Variants in PRMT3 observed in about 807,000 individuals in gnomAD.
PRMT3 encodes the protein protein arginine methyltransferase 3.
Under a neutral mutation model 71.9 loss-of-function variants are expected in PRMT3, and 62 were observed. The observed-to-expected ratio is 0.86, with a 90% CI of 0.70 to 1.07. The LOEUF (loss-of-function observed/expected upper bound fraction) is 1.07, where lower values mean the gene tolerates loss of function less well. Among genes scored for constraint, PRMT3 ranks in the 50% least tolerant of loss-of-function variants. The pLI, the probability that PRMT3 is intolerant of heterozygous loss-of-function variation, is 0.00. For missense variants in PRMT3, 663 were observed against 643.0 expected, an observed-to-expected ratio of 1.03 and a Z score of -0.34; for synonymous variants, 213 against 220.4, an observed-to-expected ratio of 0.97 and a Z score of 0.30.
rs150702431 is a variant in PRMT3 at position 20,397,696 on chromosome 11, A to T, written c.680A>T (p.Tyr227Phe). 6.2e-7 allele frequency: 1 copy of T among 1,613,938 alleles called. No homozygotes were observed. Among genetic ancestry groups the T allele is most frequent in the Admixed American group, 1.7e-5 (1 of 59,958 alleles). Residue 227 changes from tyrosine to phenylalanine, a missense_variant, in exon 7 of 16, where the codon TAT (tyrosine) becomes TTT (phenylalanine). By Grantham distance (22) the Tyr-to-Phe change is conservative. Coordinates refer to ENST00000331079, the MANE Select transcript of PRMT3 (RefSeq NM_005788.4). ...DGVYFSSYGH[Y>F]GIHEEMLKDK... is the part of the protein sequence containing the mutation. Reference sequence around the variant, plus strand: ...GTTTATTTCAGCTCATACGGGCATTATGGGATACATGAAGAAATGCTAAAG... The same window carrying T: ...GTTTATTTCAGCTCATACGGGCATTTTGGGATACATGAAGAAATGCTAAAG...
intron 10 of PRMT3, among the ~76,000 whole-genome samples, chr11:20,444,723 T>C (rs1849985145): frequency 6.6e-6 from 1 of 152,186 alleles, no homozygotes; most frequent in South Asian, 2.1e-4. Flanking sequence ...GTACCTACTC[T>C]GTTATTGTTG....
At chr11:20,460,642 C>T (rs1850362963) in intron 11 of PRMT3, among the ~76,000 whole-genome samples, 1 of 152,004 alleles carries the variant, frequency 6.6e-6, no homozygotes, top group Non-Finnish European at 1.5e-5. Flanking sequence ...GAATTTCAGA[C>T]CTTTGTATTC....
chr11:20,489,579 T>TG (rs1851159460), intron 13 of PRMT3, among the ~76,000 whole-genome samples: 1 of 152,140 alleles, frequency 6.6e-6, no homozygotes, highest in African/African-American at 2.4e-5. Context: ...GTCAAAGTGA[T>TG]GGTAGCAAGG....
At chr11:20,402,201 C>G (rs765458930) in intron 7 of PRMT3, among the ~76,000 whole-genome samples, 4 of 151,990 alleles carry the variant, frequency 2.6e-5, no homozygotes, top group Non-Finnish European at 4.4e-5. Context: ...CTCACCGCAA[C>G]CTCCGCCTCC....
intron 13 of PRMT3, among the ~76,000 whole-genome samples, chr11:20,467,942 A>G (rs1195491863): frequency 6.6e-6 from 1 of 152,150 alleles, no homozygotes; most frequent in African/African-American, 2.4e-5. Context: ...CCTCCCTCCT[A>G]CAGACCTATC....
At chr11:20,437,473 G>T (rs1466052376) in intron 10 of PRMT3, among the ~76,000 whole-genome samples, 1 of 152,164 alleles carries the variant, frequency 6.6e-6, no homozygotes, top group African/African-American at 2.4e-5. Flanking sequence ...TTCCAGATAG[G>T]TGCAGTGGTA....
chr11:20,493,389 G>T (rs1206141830), intron 13 of PRMT3, among the ~76,000 whole-genome samples: 1 of 152,196 alleles, frequency 6.6e-6, no homozygotes, highest in Non-Finnish European at 1.5e-5. Context: ...TTATTGCTAT[G>T]TAATAGCCCA....
chr11:20,472,727 A>G (rs528726486), intron 13 of PRMT3, among the ~76,000 whole-genome samples: 2 of 152,266 alleles, frequency 1.3e-5, no homozygotes, highest in East Asian at 3.9e-4. Context: ...CTGGCCTCAT[A>G]GAACAAGTAG....
intron 5 of PRMT3, among the ~76,000 whole-genome samples, chr11:20,394,566 T>A (rs544321824): frequency 1.3e-5 from 2 of 152,348 alleles, no homozygotes; most frequent in South Asian, 4.1e-4. Flanking sequence ...ACCAAGCTGA[T>A]TAACATCATC....
Position 20,397,565 on chromosome 11 carries a change from A to C in PRMT3, c.561-12A>C. The C allele has an allele frequency of 5.0e-6, 8 of 1,613,754 alleles. No homozygotes were observed. Among genetic ancestry groups the C allele is most frequent in the Non-Finnish European group, 6.8e-6 (8 of 1,179,796 alleles). ...AAACCTGTCTCAAGGGTGTATTTCAAATTGATTACAGACAATTTGCTCAGG... is the reference window on the plus strand; with the variant it reads ...AAACCTGTCTCAAGGGTGTATTTCACATTGATTACAGACAATTTGCTCAGG... On this transcript the variant is annotated splice_polypyrimidine_tract_variant and intron_variant, in intron 6 of 15. Transcript: ENST00000331079.
At chr11:20,410,143 A>G (rs887327742) in intron 9 of PRMT3, among the ~76,000 whole-genome samples, 4 of 152,074 alleles carry the variant, frequency 2.6e-5, no homozygotes, top group African/African-American at 9.7e-5. Flanking sequence ...TTGTAGAAAC[A>G]TGTTTATGTA....
intron 13 of PRMT3, among the ~76,000 whole-genome samples, chr11:20,484,406 GAT>G (rs1851021193): frequency 8.1e-6 from 1 of 124,090 alleles, no homozygotes; most frequent in Non-Finnish European, 1.7e-5. Context: ...GTGTTACAGT[GAT>G]ATGGTTTGGC....
At chr11:20,483,933 C>A (rs1851008923) in intron 13 of PRMT3, among the ~76,000 whole-genome samples, 1 of 152,190 alleles carries the variant, frequency 6.6e-6, no homozygotes, top group African/African-American at 2.4e-5. Context: ...GAAGTTGTTG[C>A]ATCTGATAGC....
At chr11:20,434,552 G>A (rs964893399) in intron 10 of PRMT3, among the ~76,000 whole-genome samples, 1 of 152,010 alleles carries the variant, frequency 6.6e-6, no homozygotes, top group Non-Finnish European at 1.5e-5. Flanking sequence ...TGAAAGGAAG[G>A]GGTCTAATTT....
chr11:20,388,002 TTGTGTG>T lies in PRMT3; in HGVS notation c.29-9_29-4del, dbSNP rs763227380. 1 of 1,612,134 alleles carries T rather than the reference TTGTGTG, an allele frequency of 6.2e-7. No homozygotes were observed. The highest frequency in any genetic ancestry group is 1.7e-5 in the Admixed American group (1 of 59,962). On this transcript the variant is annotated splice_polypyrimidine_tract_variant and intron_variant, in intron 1 of 15. Transcript: ENST00000331079. ...CCGGTGTCCGAGGCCGATCTGATTG[TTGTGTG>T]TGTGTGTTAGGCGGCCGGGGCGCTG...
At chr11:20,404,797 G>A (rs1027913605) in intron 8 of PRMT3, among the ~76,000 whole-genome samples, 1 of 152,120 alleles carries the variant, frequency 6.6e-6, no homozygotes, top group Admixed American at 6.6e-5. Context: ...TAACCTGTAA[G>A]GTGATTGTAA....
At chr11:20,413,707 T>C (rs988707893) in intron 9 of PRMT3, among the ~76,000 whole-genome samples, 1 of 152,170 alleles carries the variant, frequency 6.6e-6, no homozygotes, top group Non-Finnish European at 1.5e-5. Context: ...GTCTTCTTTC[T>C]ATTTCACAAT....
intron 7 of PRMT3, among the ~76,000 whole-genome samples, chr11:20,400,230 G>A (rs1378749902): frequency 6.6e-6 from 1 of 152,098 alleles, no homozygotes; most frequent in African/African-American, 2.4e-5. Context: ...CATTGGCCTT[G>A]TTTTTATAGA....
intron 9 of PRMT3, among the ~76,000 whole-genome samples, chr11:20,416,989 AC>A (rs1453818646): frequency 6.6e-6 from 1 of 152,032 alleles, no homozygotes; most frequent in Non-Finnish European, 1.5e-5. Context: ...GTTTACAGTT[AC>A]CCCCGTAATG....
Sources: allele counts gnomAD v4.1 joint callset (sites outside exome capture counted in the v4.1 genomes callset), GRCh38; gene constraint gnomAD v4.1.1; transcripts MANE v1.5; gene names NCBI Gene and HGNC (gene_info 2026-07-23, HGNC 2026-07-21).